Variants in MYH6 observed in about 807,000 individuals in gnomAD.
MYH6 encodes the protein myosin-6.
In MYH6, 126 loss-of-function variants were observed where a neutral mutation model predicts 223.2. That is an observed-to-expected ratio of 0.56 (90% confidence interval 0.49 to 0.65). The LOEUF (loss-of-function observed/expected upper bound fraction) is 0.65. Among genes scored for constraint, MYH6 ranks in the 30% least tolerant of loss-of-function variants. The probability of loss-of-function intolerance (pLI) is 0.00; values close to 1 mark genes in which losing one functional copy is unlikely to be tolerated. For synonymous variants in MYH6, 978 were observed against 1,010.2 expected (o/e 0.97, Z 0.61); for missense variants, 2,040 against 2,536.4 (o/e 0.80, Z 4.20).
At position 23,389,488 on chromosome 14, in the gene MYH6, C is replaced by T. The variant is rs34935550; in HGVS notation, c.3883G>A (p.Glu1295Lys). Residue 1295 changes from glutamate (E) to lysine (K), a missense_variant, in exon 28 of 39, where the codon GAA (glutamate) becomes AAA (lysine). By Grantham distance (56) the Glu-to-Lys change is moderately conservative. Coordinates refer to ENST00000405093, the MANE Select transcript of MYH6 (RefSeq NM_002471.4). ...ENGELARQLEEKEALISQLTR... is the reference protein window; with the variant it reads ...ENGELARQLEKKEALISQLTR... Reference sequence around the variant, plus strand: ...AGCTGCGAGATTAGCGCCTCCTTTTCCTCTAGCTGCCGGGCCAACTCTCCT... The same window carrying T: ...AGCTGCGAGATTAGCGCCTCCTTTTTCTCTAGCTGCCGGGCCAACTCTCCT... 1.2e-6 allele frequency: 2 copies of T among 1,614,088 alleles called. No individual in the cohort carries two copies. The highest frequency in any genetic ancestry group is 2.2e-5 in the East Asian group (1 of 44,896).
At chr14:23,401,219 C>T (rs184509874) in intron 12 of MYH6, among the ~76,000 whole-genome samples, 2 of 152,310 alleles carry the variant, frequency 1.3e-5, no homozygotes, top group East Asian at 3.9e-4. Flanking sequence ...GTTGCCCAGG[C>T]TGGTCTCAAA....
intron 32 of MYH6, 68 bp from the exon 33 acceptor site, chr14:23,386,691 A>T: frequency 2.0e-6 from 3 of 1,527,430 alleles, no homozygotes; most frequent in African/African-American, 1.4e-5. Context: ...GGATGAGAAG[A>T]TACACGGTGT....
In MYH6 at chr14:23,392,560, AC is replaced by A; in HGVS notation, c.3342+1del. ...CTTTCATGCACTGGGAAAAAAAGTC[AC>A]CTGGTTTTCCTTCAGTTTCTTCTGT... On this transcript the variant is annotated splice_donor_variant, in intron 25 of 38. Transcript: ENST00000405093. LOFTEE classifies it high-confidence loss of function. 6.2e-7 allele frequency: 1 copy of A among 1,607,044 alleles called. No individual in the cohort carries two copies. Among genetic ancestry groups the A allele is most frequent in the African/African-American group, 1.3e-5 (1 of 74,392 alleles).
chr14:23,396,353 A>G lies in MYH6; in HGVS notation c.2360T>C (p.Ile787Thr), dbSNP rs1417728719. ...EMRDERLSRI[I>T]TRMQAQARGQ... ...CCGGGCTTGGGCCTGCATGCGCGTG[A>G]TGATGCGGCTCAGCCTCTCATCCCG... Residue 787 changes from isoleucine (I) to threonine (T), a missense_variant, in exon 20 of 39, where the codon ATC becomes ACC. Physicochemically the swap from Ile to Thr is moderately conservative, Grantham distance 89. Around this residue, in one of 4 missense-constraint regions of MYH6, gnomAD observed 649 missense variants for 877.3 expected, o/e 0.74. Transcript: ENST00000405093. 1 of 1,614,020 alleles carries G rather than the reference A, an allele frequency of 6.2e-7. No individual in the cohort carries two copies. The highest frequency in any genetic ancestry group is 8.5e-7 in the Non-Finnish European group (1 of 1,180,060).
In MYH6 at chr14:23,382,453, G is replaced by A; in HGVS notation, c.5771C>T (p.Ala1924Val). Residue 1924 changes from alanine (A) to valine (V), a missense_variant, in exon 38 of 39, where the codon GCC (alanine) becomes GTC (valine). Coordinates refer to ENST00000405093, the MANE Select transcript of MYH6 (RefSeq NM_002471.4). ...IAESQVNKLRAKSRDIGAKQK... is the reference protein window; with the variant it reads ...IAESQVNKLRVKSRDIGAKQK... ...CTTGGCACCAATGTCACGGCTCTTGGCTCGAAGCTTGTTGACCTGGGACTC... is the reference window on the plus strand; with the variant it reads ...CTTGGCACCAATGTCACGGCTCTTGACTCGAAGCTTGTTGACCTGGGACTC... The A allele has an allele frequency of 6.2e-7, 1 of 1,614,134 alleles. No individual in the cohort carries two copies. The highest frequency in any genetic ancestry group is 1.1e-5 in the South Asian group (1 of 91,070).
intron 9 of MYH6, 121 bp downstream of exon 9, chr14:23,403,594 T>C: frequency 8.4e-7 from 1 of 1,190,314 alleles, no homozygotes; most frequent in Non-Finnish European, 1.2e-6. Context: ...AAAAGGATCC[T>C]AAAGCCCAGA....
At chr14:23,386,716 G>A (rs1891039629) in intron 32 of MYH6, 93 bp from the exon 33 acceptor site, 13 of 1,437,716 alleles carry the variant, frequency 9.0e-6, no homozygotes, top group South Asian at 5.3e-5. Flanking sequence ...CAGGACTATC[G>A]CCCAGAGAAG....
In MYH6 at chr14:23,397,203, G is replaced by A. The variant is rs1891424855; in HGVS notation, c.2017C>T (p.Arg673Cys). 2.5e-6 allele frequency: 4 copies of A among 1,614,202 alleles called. No individual in the cohort carries two copies. The highest frequency in any genetic ancestry group is 3.4e-6 in the Non-Finnish European group (4 of 1,180,040). The part of the protein sequence containing the change: ...NLRTTHPHFV[R>C]CIIPNERKAP... ...TTCCGCTCATTGGGGATGATGCAAC[G>A]CACAAAGTGAGGATGGGTGGTCCTC... The change falls in exon 17 of 39, where the codon CGT (arginine) becomes TGT (cysteine). Residue 673 changes from arginine to cysteine, a missense_variant. Physicochemically the swap from Arg to Cys is radical, Grantham distance 180. Around this residue, in one of 4 missense-constraint regions of MYH6, gnomAD observed 649 missense variants for 877.3 expected, o/e 0.74. Coordinates refer to ENST00000405093, the MANE Select transcript of MYH6 (RefSeq NM_002471.4).
Position 23,397,943 on chromosome 14 carries a change from C to CTTCTTCTTCTTT in MYH6, c.1892-331_1892-330insAAAGAAGAAGAA, listed in dbSNP as rs1566512364. 8.9e-3 allele frequency among the ~76,000 whole-genome samples: 515 copies of CTTCTTCTTCTTT among 58,042 alleles called. 9 individuals carry two copies. Among genetic ancestry groups the CTTCTTCTTCTTT allele is most frequent in the South Asian group, 0.019 (29 of 1,510 alleles). 38.1% of individuals were successfully genotyped at this position (58,042 alleles called of 152,430 possible). ...TCCTCCTCCTCCTCCTCTTCTTCTT[C>CTTCTTCTTCTTT]TTCTTCTTCTTCTTCTTCTTCTTCT... On this transcript the variant is annotated intron_variant, in intron 15 of 38. Coordinates refer to ENST00000405093, the MANE Select transcript of MYH6 (RefSeq NM_002471.4).
In MYH6 at chr14:23,382,483, A is replaced by G. The variant is rs1408737257; in HGVS notation, c.5741T>C (p.Ile1914Thr). ...AAGCTTGTTGACCTGGGACTCAGCG[A>G]TGTCCGCCCGCTCCTCTGCCTCATC... ...ELDEAEERAD[I>T]AESQVNKLRA... Residue 1914 changes from isoleucine (I) to threonine (T), a missense_variant, in exon 38 of 39, where the codon ATC becomes ACC. Physicochemically the swap from Ile to Thr is moderately conservative, Grantham distance 89 (BLOSUM62 -1). Transcript: ENST00000405093. 6.2e-7 allele frequency: 1 copy of G among 1,614,090 alleles called. No individual in the cohort carries two copies. The highest frequency in any genetic ancestry group is 1.1e-5 in the South Asian group (1 of 91,080).
intron 10 of MYH6, 91 bp from the exon 11 acceptor site, chr14:23,402,891 G>A (rs1433833242): frequency 8.6e-6 from 7 of 817,164 alleles, no homozygotes; most frequent in Non-Finnish European, 1.2e-5. Context: ...GGAGGGGCAG[G>A]GAGGGGTAAG....
At chr14:23,400,682 C>T (rs750583447) in intron 13 of MYH6, 27 bp downstream of exon 13, 4 of 1,614,210 alleles carry the variant, frequency 2.5e-6, no homozygotes, top group Middle Eastern at 1.7e-4. Flanking sequence ...AGTGATTGTT[C>T]TCCCACTCCC....
Position 23,394,332 on chromosome 14 carries a change from G to A in MYH6, c.2430-9C>T. On this transcript the variant is annotated splice_polypyrimidine_tract_variant and intron_variant, in intron 20 of 38. Transcript: ENST00000405093. ...TTACCAGCAGGGCATCCCTGGCAAG[G>A]AAACGTGGAGGCAGGGTGGGGCACT... is the stretch of plus-strand genomic sequence containing the variant. 3 of 1,614,164 alleles carry A rather than the reference G, an allele frequency of 1.9e-6. No individual in the cohort carries two copies. Among genetic ancestry groups the A allele is most frequent in the Non-Finnish European group, 2.5e-6 (3 of 1,180,038 alleles).
intron 25 of MYH6, among the ~76,000 whole-genome samples, 165 bp downstream of exon 25, chr14:23,392,397 A>T (rs1206035885): frequency 1.3e-5 from 2 of 152,042 alleles, no homozygotes; most frequent in Non-Finnish European, 2.9e-5. Flanking sequence ...TTCTTGCTCT[A>T]TGGGGGAAGG....
In MYH6 at chr14:23,405,508, G is replaced by C; in HGVS notation, c.345+119C>G. On this transcript the variant is annotated intron_variant, in intron 4 of 38. Transcript: ENST00000405093. The surrounding 1 kb of genome is among the most constrained non-coding windows in gnomAD (Gnocchi z 4.7). ...CTCCTGCAGCTGACTAGGGGTGGAGGGGGGAAGGGGACTTGGGTCCCTTGG... is the reference window on the plus strand; with the variant it reads ...CTCCTGCAGCTGACTAGGGGTGGAGCGGGGAAGGGGACTTGGGTCCCTTGG... 2.5e-6 allele frequency: 4 copies of C among 1,595,458 alleles called. No individual in the cohort carries two copies. Among genetic ancestry groups the C allele is most frequent in the South Asian group, 2.2e-5 (2 of 90,168 alleles).
At chr14:23,399,103 T>C (rs368489715) in intron 14 of MYH6, 66 bp from the exon 15 acceptor site, 6 of 1,585,124 alleles carry the variant, frequency 3.8e-6, no homozygotes, top group African/African-American at 2.7e-5. Flanking sequence ...CACAGTCCCA[T>C]ACCCTGACAG....
Position 23,405,814 on chromosome 14 carries a change from T to A in MYH6, c.202-44A>T. The A allele has an allele frequency of 6.2e-7, 1 of 1,613,538 alleles. No individual in the cohort carries two copies. The highest frequency in any genetic ancestry group is 8.5e-7 in the Non-Finnish European group (1 of 1,179,624). ...CAGGAGGATGAGTGACCACAATCCC[T>A]CCGGGACCCTTGCCAGCACTGCCCA... is the stretch of plus-strand genomic sequence containing the variant. On this transcript the variant is annotated intron_variant, in intron 3 of 38. Transcript: ENST00000405093. This position sits in a 1 kb window ranked among gnomAD's most constrained non-coding sequence, Gnocchi z 4.7.
rs937933268 is a variant in MYH6, at chr14:23,389,523, A to G, written c.3860-12T>C. ...CCGGGCCAACTCTCCTGGAGGTGAA[A>G]TGAGGGGCTTGTGGGCCATTTCACA... On this transcript the variant is annotated splice_polypyrimidine_tract_variant and intron_variant, in intron 27 of 38. Coordinates refer to ENST00000405093, the MANE Select transcript of MYH6 (RefSeq NM_002471.4). 1.9e-6 allele frequency: 3 copies of G among 1,613,984 alleles called. No homozygotes were observed. In the African/African-American group the frequency reaches 4.0e-5, roughly 22 times the overall value.
rs763306294 is a variant in MYH6, at chr14:23,382,052, G to A, written c.5808C>T (p.His1936=). 7.4e-6 allele frequency: 12 copies of A among 1,614,014 alleles called. No individual in the cohort carries two copies. Among genetic ancestry groups the A allele is most frequent in the Non-Finnish European group, 8.5e-6 (10 of 1,179,992 alleles). The change falls in exon 39 of 39, where the codon CAC becomes CAT. Residue 1936 remains histidine, a synonymous_variant. Transcript: ENST00000405093. ...TCCCGAGGCAGTGTCACTCCTCATC[G>A]TGCATTTTTTGCTGCAAAAAGAATA... ...SRDIGAKQKM[H]DEE is the part of the protein sequence containing the mutation.
Sources: gnomAD v4.1 joint callset for allele counts (sites outside exome capture counted in the v4.1 genomes callset) on GRCh38, gnomAD v4.1.1 for gene constraint, gnomAD v4.1.1 regional missense constraint, Gnocchi (gnomAD v3.1) non-coding constraint, MANE v1.5 for transcripts, NCBI Gene and HGNC (gene_info 2026-07-23, HGNC 2026-07-21) for gene names.